Variants in MAP3K15 observed in about 807,000 individuals in gnomAD.
MAP3K15 encodes the protein mitogen-activated protein kinase kinase kinase 15.
MAP3K15 carries 124 observed loss-of-function variants against 99.5 expected under a neutral mutation model. The observed-to-expected ratio is 1.25, with a 90% CI of 1.08 to 1.45. The LOEUF (loss-of-function observed/expected upper bound fraction) is 1.45, where lower values mean the gene tolerates loss of function less well. Among genes scored for constraint, MAP3K15 ranks in the 40% most tolerant of loss-of-function variants. The probability of loss-of-function intolerance (pLI) is 0.00; values close to 1 mark genes in which losing one functional copy is unlikely to be tolerated. For missense variants in MAP3K15, 1,242 were observed against 1,079.7 expected (o/e 1.15, Z -2.11); for synonymous variants, 494 against 439.6 (o/e 1.12, Z -1.55).
Position 19,392,460 on chromosome X carries a change from A to C in MAP3K15, c.2208T>G (p.Ala736=). The part of the protein sequence containing the change: ...MEQVPGGSLS[A]LLRSKWGPMK... ...TCGGCCCCCATTTGGATCGCAGAAG[A>C]GCAGAAAGGCTTCCTAGAGACAGTC... The change falls in exon 17 of 29, where the codon GCT becomes GCG. Residue 736 remains alanine, a synonymous_variant. Coordinates refer to ENST00000338883, the MANE Select transcript of MAP3K15 (RefSeq NM_001001671.4). The C allele has an allele frequency of 2.5e-6, 3 of 1,208,191 alleles. No homozygotes were observed. Among genetic ancestry groups the C allele is most frequent in the Non-Finnish European group, 2.2e-6 (2 of 894,150 alleles).
intron 3 of MAP3K15, among the ~76,000 whole-genome samples, chrX:19,471,544 G>A (rs1217245743): frequency 9.0e-6 from 1 of 111,055 alleles, no homozygotes; most frequent in Non-Finnish European, 1.9e-5. Flanking sequence ...TTACAGGCAT[G>A]AGCCACCGTG....
chrX:19,493,147 C>T (rs1041929926), intron 1 of MAP3K15, among the ~76,000 whole-genome samples: 1 of 109,464 alleles, frequency 9.1e-6, no homozygotes, highest in Admixed American at 9.9e-5. Flanking sequence ...ACAGTAGTCC[C>T]GAAGTCACAC....
intron 2 of MAP3K15, among the ~76,000 whole-genome samples, chrX:19,486,770 A>G (rs2064329087): frequency 9.0e-6 from 1 of 111,540 alleles, no homozygotes; most frequent in African/African-American, 3.3e-5. Flanking sequence ...GGGCATTTAT[A>G]AGGATTTCCC....
intron 18 of MAP3K15, among the ~76,000 whole-genome samples, chrX:19,384,767 A>C (rs1278835469): frequency 4.3e-4 from 45 of 105,349 alleles, no homozygotes; most frequent in Non-Finnish European, 4.8e-4. Flanking sequence ...AAAAAAAAAA[A>C]AAAAAAAAAA....
intron 9 of MAP3K15, 112 bp from the exon 10 acceptor site, chrX:19,415,369 G>A: frequency 1.4e-6 from 1 of 704,839 alleles, no homozygotes; most frequent in Admixed American, 4.6e-5. Context: ...TTCATATTAT[G>A]TCATGAGTGC....
intron 1 of MAP3K15, among the ~76,000 whole-genome samples, chrX:19,511,569 A>C (rs1169916111): frequency 2.7e-5 from 3 of 112,361 alleles, no homozygotes; most frequent in Non-Finnish European, 5.6e-5. Context: ...TGAAAAAAAA[A>C]CCCATCAATA....
intron 9 of MAP3K15, among the ~76,000 whole-genome samples, chrX:19,419,775 C>G (rs943307808): frequency 7.2e-5 from 8 of 111,835 alleles, no homozygotes; most frequent in African/African-American, 2.6e-4. Context: ...TCAAAATTGA[C>G]CACATAGTTG....
At chrX:19,496,745 A>G (rs369689842) in intron 1 of MAP3K15, 5 of 110,206 alleles carry the variant, frequency 4.5e-5, no homozygotes, top group African/African-American at 1.3e-4. Flanking sequence ...TTTTACATAT[A>G]CTCCTCCCAC....
At chrX:19,401,908 T>C (rs1025384945) in intron 13 of MAP3K15, among the ~76,000 whole-genome samples, 2 of 112,042 alleles carry the variant, frequency 1.8e-5, no homozygotes, top group Admixed American at 1.9e-4. Flanking sequence ...TCTTACCTTT[T>C]CTTCTAATCT....
At chrX:19,511,571 C>T (rs2064518989) in intron 1 of MAP3K15, among the ~76,000 whole-genome samples, 1 of 111,528 alleles carries the variant, frequency 9.0e-6, no homozygotes, top group Admixed American at 9.5e-5. Context: ...AAAAAAAAAC[C>T]CATCAATACT....
In MAP3K15 at chrX:19,515,405, A is replaced by G; in HGVS notation, c.-144T>C. 1 of 293,296 alleles carries G rather than the reference A, an allele frequency of 3.4e-6. No homozygotes were observed. The allele number at this position is 293,296 out of a possible 1,213,427, so 24.2% of individuals were successfully genotyped here. A position where few individuals can be genotyped will look rare whatever the true frequency, so the allele number is the denominator to read the frequency against. On this transcript the variant is annotated 5_prime_UTR_variant, in exon 1 of 29. Transcript: ENST00000338883. ...TACGGGAATCGAGGGAACGGAGCGC[A>G]CCGGGGACCCCGCGGCGGGCCGAAG...
At chrX:19,465,966 T>A (rs2064166121) in intron 3 of MAP3K15, among the ~76,000 whole-genome samples, 1 of 108,906 alleles carries the variant, frequency 9.2e-6, no homozygotes, top group African/African-American at 3.4e-5. Context: ...ACTTTTTTCT[T>A]TTTTTGAGAC....
chrX:19,443,056 G>C (rs185990148), intron 6 of MAP3K15, among the ~76,000 whole-genome samples: 1,134 of 39,952 alleles, frequency 0.028, 39 homozygotes, highest in African/African-American at 0.11. Flanking sequence ...TTTTTGAGAT[G>C]GAGTCTCGCT....
At chrX:19,412,116 T>C (rs1339165636) in intron 11 of MAP3K15, among the ~76,000 whole-genome samples, 1 of 111,902 alleles carries the variant, frequency 8.9e-6, no homozygotes, top group Non-Finnish European at 1.9e-5. Context: ...AAGAGTCTTG[T>C]CTAACCCACA....
At chrX:19,390,156 A>G (rs953852203) in intron 18 of MAP3K15, among the ~76,000 whole-genome samples, 6 of 110,896 alleles carry the variant, frequency 5.4e-5, no homozygotes, top group Non-Finnish European at 9.4e-5. Context: ...CTCATTGACA[A>G]AAAGTCTTTC....
At chrX:19,416,388 T>G (rs1382770798) in intron 9 of MAP3K15, among the ~76,000 whole-genome samples, 1 of 110,858 alleles carries the variant, frequency 9.0e-6, no homozygotes, top group Non-Finnish European at 1.9e-5. Context: ...CATTTTTGCA[T>G]GAGAAGTTCG....
chrX:19,418,985 T>A (rs1048978495), intron 9 of MAP3K15, among the ~76,000 whole-genome samples: 11 of 111,658 alleles, frequency 9.9e-5, no homozygotes, highest in Non-Finnish European at 7.5e-5. Context: ...GACAAGCAAA[T>A]GCTGAGACAT....
Position 19,360,649 on chromosome X carries a change from T to A in MAP3K15, c.*100A>T. ...ACTATTAATTGAACAATGGCATTTT[T>A]AAATATGTAAACACAGCGGAATTCG... On this transcript the variant is annotated 3_prime_UTR_variant, in exon 29 of 29. Transcript: ENST00000338883. The A allele has an allele frequency of 1.6e-6, 1 of 619,335 alleles. No individual in the cohort carries two copies. 51.0% of individuals were successfully genotyped at this position (619,335 alleles called of 1,213,427 possible).
chrX:19,456,060 C>T (rs2064090646), intron 6 of MAP3K15, among the ~76,000 whole-genome samples: 2 of 111,156 alleles, frequency 1.8e-5, no homozygotes, highest in South Asian at 3.9e-4. Flanking sequence ...GGTGCATTTC[C>T]ACAGAGACCA....
Sources: allele counts gnomAD v4.1 joint callset (sites outside exome capture counted in the v4.1 genomes callset), GRCh38; gene constraint gnomAD v4.1.1; transcripts MANE v1.5; gene names NCBI Gene and HGNC (gene_info 2026-07-23, HGNC 2026-07-21).